The following KIAA1217 variants were observed in gnomAD, a reference collection of about 807,000 sequenced individuals.
KIAA1217 encodes KIAA1217.
Under a neutral mutation model 163.9 loss-of-function variants are expected in KIAA1217, and 88 were observed. The ratio of observed to expected loss-of-function variants is 0.54; its 90% CI spans 0.45 to 0.64. The LOEUF is 0.64. Ranked by LOEUF, KIAA1217 falls within the 30% of genes least tolerant of loss-of-function variation. The pLI, the probability that KIAA1217 is intolerant of heterozygous loss-of-function variation, is 0.00. For missense variants in KIAA1217, 2,372 were observed against 2,475.0 expected (o/e 0.96, Z 0.88); for synonymous variants, 903 against 923.1 (o/e 0.98, Z 0.39).
intron 2 of KIAA1217, among the ~76,000 whole-genome samples, chr10:24,360,805 T>A (rs934596044): frequency 6.6e-6 from 1 of 152,228 alleles, no homozygotes; most frequent in East Asian, 1.9e-4. Context: ...GATATGATTT[T>A]ATTGTTCTTC....
At chr10:24,318,626 G>A (rs552363366) in intron 2 of KIAA1217, among the ~76,000 whole-genome samples, 63 of 152,030 alleles carry the variant, frequency 4.1e-4, no homozygotes, top group Non-Finnish European at 7.2e-4. Context: ...GGAGAACTCC[G>A]CCTTCTACAA....
rs80159948 is a variant in KIAA1217, at chr10:24,226,372, G to A, written c.354+6463G>A. ...CTGGGTGCGGTGGCTCACGCCTGCA[G>A]TCCCAACACTTTGGGAGGCTAAGGC... On this transcript the variant is annotated intron_variant, in intron 2 of 20. Transcript: ENST00000376454. Among the ~76,000 whole-genome samples the A allele has an allele frequency of 2.5e-4, 38 of 152,094 alleles. No individual in the cohort carries two copies. The East Asian group carries it at 4.5e-3, about 18-fold the overall frequency.
At chr10:23,743,253 A>G (rs905538761) in intron 1 of KIAA1217, among the ~76,000 whole-genome samples, 5 of 151,860 alleles carry the variant, frequency 3.3e-5, no homozygotes, top group African/African-American at 1.2e-4. Flanking sequence ...AAAAAAAAAA[A>G]AATCAGTGTT....
At chr10:24,426,523 C>G (rs886806341) in intron 3 of KIAA1217, among the ~76,000 whole-genome samples, 2 of 152,058 alleles carry the variant, frequency 1.3e-5, no homozygotes, top group African/African-American at 4.8e-5. Context: ...ACTCAGGAGG[C>G]TGAAGCAAGA....
chr10:24,022,362 A>G (rs1477559865), intron 2 of KIAA1217, among the ~76,000 whole-genome samples: 2 of 151,884 alleles, frequency 1.3e-5, no homozygotes, highest in African/African-American at 4.8e-5. Flanking sequence ...ATGATTCACA[A>G]TACTATGTGT....
intron 2 of KIAA1217, among the ~76,000 whole-genome samples, chr10:24,200,655 A>G (rs2067213731): frequency 1.3e-5 from 2 of 152,146 alleles, no homozygotes; most frequent in South Asian, 2.1e-4. Context: ...TCCCTTCGCT[A>G]TATATTTCAT....
intron 2 of KIAA1217, among the ~76,000 whole-genome samples, chr10:24,222,063 A>G (rs574400877): frequency 6.6e-6 from 1 of 152,328 alleles, no homozygotes; most frequent in South Asian, 2.1e-4. Context: ...AAAAATAATG[A>G]TTATTGTTAC....
intron 5 of KIAA1217, among the ~76,000 whole-genome samples, chr10:24,450,917 G>A (rs2061332363): frequency 6.6e-6 from 1 of 152,120 alleles, no homozygotes. Context: ...GACTTATCTT[G>A]AAAATAATAA....
intron 1 of KIAA1217, among the ~76,000 whole-genome samples, chr10:23,789,097 A>G (rs1835620814): frequency 6.6e-6 from 1 of 152,180 alleles, no homozygotes. Context: ...TGTCTTTTCT[A>G]TTTCCGTTTC....
At chr10:24,132,962 C>T (rs2063707117) in intron 2 of KIAA1217, among the ~76,000 whole-genome samples, 1 of 151,822 alleles carries the variant, frequency 6.6e-6, no homozygotes, top group Non-Finnish European at 1.5e-5. Flanking sequence ...CCCTAACTGG[C>T]TAGTTATTCA....
chr10:24,179,745 C>T (rs894794307), intron 2 of KIAA1217, among the ~76,000 whole-genome samples: 1 of 152,106 alleles, frequency 6.6e-6, no homozygotes, highest in Non-Finnish European at 1.5e-5. Context: ...TGTGCCACCA[C>T]ATCCGGCTAA....
chr10:23,855,178 T>C (rs7894955), intron 1 of KIAA1217, among the ~76,000 whole-genome samples: 59,075 of 152,028 alleles, frequency 0.39, 16,538 homozygotes, highest in African/African-American at 0.8. Context: ...ATGTTTAGTG[T>C]TTCCTTCAGG....
chr10:23,840,976 G>C (rs183113860), intron 1 of KIAA1217, among the ~76,000 whole-genome samples: 2 of 152,232 alleles, frequency 1.3e-5, no homozygotes, highest in African/African-American at 4.8e-5. Context: ...TCTAGCTACC[G>C]GCCCTTGGGC....
At chr10:23,897,321 C>A (rs568849827) in intron 1 of KIAA1217, among the ~76,000 whole-genome samples, 1 of 152,036 alleles carries the variant, frequency 6.6e-6, no homozygotes, top group African/African-American at 2.4e-5. Context: ...GCCGCAGCAA[C>A]CCAAGTTGTC....
At chr10:23,997,371 G>A (rs776098775) in intron 1 of KIAA1217, among the ~76,000 whole-genome samples, 69 of 152,140 alleles carry the variant, frequency 4.5e-4, no homozygotes, top group Admixed American at 5.2e-4. Flanking sequence ...AATTGCTTGG[G>A]TCCATGTTCA....
At chr10:24,538,967 C>T (rs1435290069) in intron 17 of KIAA1217, among the ~76,000 whole-genome samples, 5 of 151,734 alleles carry the variant, frequency 3.3e-5, no homozygotes, top group African/African-American at 9.7e-5. Flanking sequence ...CTCCTGACCT[C>T]GTGATCCACC....
chr10:23,802,552 G>T (rs1286381905), intron 1 of KIAA1217, among the ~76,000 whole-genome samples: 2 of 152,200 alleles, frequency 1.3e-5, no homozygotes, highest in Non-Finnish European at 2.9e-5. Context: ...ATTAAAGGTT[G>T]GAGGACATCT....
intron 5 of KIAA1217, 50 bp downstream of exon 5, chr10:24,438,529 C>T (rs372041479): frequency 2.4e-6 from 3 of 1,252,066 alleles, no homozygotes; most frequent in Non-Finnish European, 2.4e-6. Context: ...TCAAAGCGTC[C>T]CTCCTCTTGC....
At chr10:24,390,557 G>T (rs1411305825) in intron 3 of KIAA1217, among the ~76,000 whole-genome samples, 6 of 148,230 alleles carry the variant, frequency 4.0e-5, no homozygotes, top group Non-Finnish European at 8.9e-5. Context: ...TCAAAAGAAA[G>T]GGAGAAAGAG....
Sources: allele counts gnomAD v4.1 joint callset (sites outside exome capture counted in the v4.1 genomes callset), GRCh38; gene constraint gnomAD v4.1.1; transcripts MANE v1.5; gene names NCBI Gene and HGNC (gene_info 2026-07-23, HGNC 2026-07-21).